The following VPS13A variants were observed in gnomAD, a reference collection of about 807,000 sequenced individuals.
The protein encoded by VPS13A is vacuolar protein sorting 13 homolog A.
Under a neutral mutation model 390.9 loss-of-function variants are expected in VPS13A, and 264 were observed. The ratio of observed to expected loss-of-function variants is 0.68; its 90% CI spans 0.61 to 0.75. The LOEUF (loss-of-function observed/expected upper bound fraction) is 0.75. Among genes scored for constraint, VPS13A ranks in the 30% least tolerant of loss-of-function variants. The pLI, the probability that VPS13A is intolerant of heterozygous loss-of-function variation, is 0.00. For missense variants in VPS13A, 3,409 were observed against 3,733.9 expected (o/e 0.91, Z 2.27); for synonymous variants, 1,231 against 1,227.1 (o/e 1.00, Z -0.07).
intron 69 of VPS13A, among the ~76,000 whole-genome samples, chr9:77,405,462 G>A (rs919336387): frequency 6.6e-6 from 1 of 152,148 alleles, no homozygotes; most frequent in African/African-American, 2.4e-5. Flanking sequence ...TGTAAGAAGT[G>A]CTTCAGTTTT....
chr9:77,337,717 G>T (rs1830609840), intron 47 of VPS13A, 180 bp downstream of exon 47: 1 of 613,394 alleles, frequency 1.6e-6, no homozygotes, highest in Admixed American at 3.2e-5. Flanking sequence ...TAACATTTAA[G>T]AACTAGACTT....
At chr9:77,296,717 A>G (rs1828023598) in intron 33 of VPS13A, among the ~76,000 whole-genome samples, 1 of 152,170 alleles carries the variant, frequency 6.6e-6, no homozygotes. Context: ...TACATTTCTG[A>G]CAGTTTATGT....
chr9:77,298,994 C>T (rs1165545509), intron 33 of VPS13A, among the ~76,000 whole-genome samples: 1 of 152,104 alleles, frequency 6.6e-6, no homozygotes, highest in East Asian at 1.9e-4. Context: ...CCAGTTTTCC[C>T]AACACTATTT....
chr9:77,237,409 A>T (rs1031250372), intron 17 of VPS13A, among the ~76,000 whole-genome samples: 8 of 151,602 alleles, frequency 5.3e-5, no homozygotes, highest in African/African-American at 1.9e-4. Context: ...CTGTCACCCA[A>T]GCTGGAGGGC....
At chr9:77,347,334 T>A (rs1160019749) in intron 52 of VPS13A, among the ~76,000 whole-genome samples, 1 of 152,208 alleles carries the variant, frequency 6.6e-6, no homozygotes, top group Non-Finnish European at 1.5e-5. Context: ...TGTGTTTCCA[T>A]TTGTTTGTTA....
chr9:77,385,049 T>G, intron 68 of VPS13A: 1 of 1,015,484 alleles, frequency 9.8e-7, no homozygotes, highest in African/African-American at 1.7e-5. Context: ...ATGGTCTCTG[T>G]AAATTTTCTG....
chr9:77,404,557 A>T (rs1371498535), intron 69 of VPS13A, among the ~76,000 whole-genome samples: 1 of 152,224 alleles, frequency 6.6e-6, no homozygotes, highest in African/African-American at 2.4e-5. Flanking sequence ...GACTAAAGGA[A>T]AGGTAACTAA....
rs772858343 is a variant in VPS13A at position 77,281,917 on chromosome 9, A to G, written c.2955A>G (p.Gln985=). ...DLKSTYNNVL[Q]LIKVNFSSLD... Reference sequence around the variant, plus strand: ...AAAGTACCTATAACAATGTTTTACAATTGATTAAGGTATGAGTAGATAATT... The same window carrying G: ...AAAGTACCTATAACAATGTTTTACAGTTGATTAAGGTATGAGTAGATAATT... Residue 985 remains glutamine (Q), a synonymous_variant, in exon 28 of 72, where the codon CAA becomes CAG. Transcript: ENST00000360280. The G allele has an allele frequency of 3.8e-6, 6 of 1,583,106 alleles. No individual in the cohort carries two copies. The highest frequency in any genetic ancestry group is 3.3e-5 in the Admixed American group (2 of 59,842).
intron 22 of VPS13A, among the ~76,000 whole-genome samples, chr9:77,257,865 T>C (rs1825537557): frequency 6.6e-6 from 1 of 152,226 alleles, no homozygotes; most frequent in Admixed American, 6.5e-5. Context: ...TCCCAGATTA[T>C]ATTTTTATGT....
chr9:77,335,197 G>A (rs1404959065), intron 46 of VPS13A, among the ~76,000 whole-genome samples: 3 of 152,058 alleles, frequency 2.0e-5, no homozygotes, highest in African/African-American at 7.2e-5. Flanking sequence ...GTTTATTCTT[G>A]GCTACAGTGT....
chr9:77,262,902 ATG>A (rs1488173088), intron 23 of VPS13A, among the ~76,000 whole-genome samples: 5 of 152,102 alleles, frequency 3.3e-5, no homozygotes, highest in Non-Finnish European at 7.3e-5. Context: ...ATACATGTGC[ATG>A]TGTCTTTATA....
chr9:77,205,973 T>G lies in VPS13A; in HGVS notation c.284-5T>G. 6.5e-7 allele frequency: 1 copy of G among 1,533,020 alleles called. No individual in the cohort carries two copies. The highest frequency in any genetic ancestry group is 8.9e-7 in the Non-Finnish European group (1 of 1,126,666). 95.0% of individuals were successfully genotyped at this position (1,533,020 alleles called of 1,614,324 possible). ...TATGATTCTTCCTTTTTAATCTTCC[T>G]ATAGGAATAAAATATGATCCTTTAA... is the stretch of plus-strand genomic sequence containing the variant. On this transcript the variant is annotated splice_polypyrimidine_tract_variant and splice_region_variant and intron_variant, in intron 4 of 71. Transcript: ENST00000360280.
intron 7 of VPS13A, chr9:77,211,621 GAA>G (rs770076248): frequency 7.9e-5 from 12 of 152,008 alleles, no homozygotes; most frequent in Non-Finnish European, 1.6e-4. Context: ...AACGAAAAAA[GAA>G]AAAATGCCCT....
chr9:77,308,874 C>G (rs1828913176), intron 35 of VPS13A, among the ~76,000 whole-genome samples: 2 of 152,302 alleles, frequency 1.3e-5, no homozygotes, highest in Admixed American at 1.3e-4. Flanking sequence ...AGAATCCTAA[C>G]AGAAAACCAG....
chr9:77,209,828 C>T (rs1373190473), intron 6 of VPS13A, among the ~76,000 whole-genome samples: 3 of 152,068 alleles, frequency 2.0e-5, no homozygotes, highest in Non-Finnish European at 4.4e-5. Flanking sequence ...CTATATTTAC[C>T]TCCTGGATGG....
rs910241190 is a variant in VPS13A at position 77,314,101 on chromosome 9, T to C, written c.4224T>C (p.Tyr1408=). The C allele has an allele frequency of 5.6e-6, 9 of 1,613,246 alleles. No individual in the cohort carries two copies. In the African/African-American group the frequency reaches 8.0e-5, roughly 14 times the overall value. Residue 1408 remains tyrosine, a synonymous_variant, in exon 36 of 72, where the codon TAT becomes TAC. Coordinates refer to ENST00000360280, the MANE Select transcript of VPS13A (RefSeq NM_033305.3). ...FKTDDLTMVL[Y]SPGPKQASFT... ...CTGATGATCTCACCATGGTGCTGTA[T>C]AGTCCAGGTCCTAAACAGGTAAGTC...
At chr9:77,359,099 C>A (rs1831984417) in intron 57 of VPS13A, among the ~76,000 whole-genome samples, 1 of 152,284 alleles carries the variant, frequency 6.6e-6, no homozygotes. Flanking sequence ...CTAATGCATA[C>A]TTCTAAACTG....
chr9:77,410,130 G>A (rs555971803), intron 71 of VPS13A, among the ~76,000 whole-genome samples: 2 of 152,136 alleles, frequency 1.3e-5, no homozygotes, highest in Non-Finnish European at 2.9e-5. Flanking sequence ...AAGAGAGTGG[G>A]GGCCAATATT....
chr9:77,306,358 A>G (rs1348898213), intron 34 of VPS13A, among the ~76,000 whole-genome samples: 1 of 149,752 alleles, frequency 6.7e-6, no homozygotes, highest in African/African-American at 2.5e-5. Context: ...TCTTTTTTAC[A>G]TTATTTCTGT....
Sources: allele counts gnomAD v4.1 joint callset (sites outside exome capture counted in the v4.1 genomes callset), GRCh38; gene constraint gnomAD v4.1.1; transcripts MANE v1.5; gene names NCBI Gene and HGNC (gene_info 2026-07-23, HGNC 2026-07-21).